The following SLC1A3 variants were observed in gnomAD, a reference collection of about 807,000 sequenced individuals.
The protein encoded by SLC1A3 is excitatory amino acid transporter 1.
In SLC1A3, 21 loss-of-function variants were observed where a neutral mutation model predicts 48.1. That is an observed-to-expected ratio of 0.44 (90% CI 0.31 to 0.63). The LOEUF is 0.63. Ranked by LOEUF, SLC1A3 falls within the 20% of genes least tolerant of loss-of-function variation. The probability of loss-of-function intolerance (pLI) is 0.08; values close to 1 mark genes in which losing one functional copy is unlikely to be tolerated. For missense variants in SLC1A3, 546 were observed against 689.0 expected (o/e 0.79, Z 2.32); for synonymous variants, 239 against 251.4 (o/e 0.95, Z 0.47).
intron 2 of SLC1A3, among the ~76,000 whole-genome samples, chr5:36,620,080 C>G (rs954865786): frequency 6.6e-6 from 1 of 152,130 alleles, no homozygotes; most frequent in East Asian, 1.9e-4. Context: ...ACAGGCAGAC[C>G]TAAGTTTGCC....
intron 3 of SLC1A3, among the ~76,000 whole-genome samples, chr5:36,631,941 G>A (rs527866880): frequency 6.6e-6 from 1 of 152,338 alleles, no homozygotes; most frequent in East Asian, 1.9e-4. Flanking sequence ...GCCTAGGGAA[G>A]AAACAAAGGC....
At chr5:36,683,768 A>T in intron 8 of SLC1A3, 96 bp from the exon 9 acceptor site, 1 of 1,359,892 alleles carries the variant, frequency 7.4e-7, no homozygotes. Flanking sequence ...GTTACATGGC[A>T]AGTCAGGCAT....
chr5:36,618,132 T>C (rs191172474), intron 2 of SLC1A3, among the ~76,000 whole-genome samples: 249 of 152,330 alleles, frequency 1.6e-3, no homozygotes, highest in Non-Finnish European at 1.2e-3. Context: ...AATTTCAGGA[T>C]AGAATCAGGT....
chr5:36,650,315 A>C (rs1741010388), intron 3 of SLC1A3, among the ~76,000 whole-genome samples: 1 of 152,214 alleles, frequency 6.6e-6, no homozygotes, highest in Admixed American at 6.5e-5. Context: ...CCTTAAATAT[A>C]ATCATAATAC....
At chr5:36,625,531 C>T (rs1355957117) in intron 2 of SLC1A3, among the ~76,000 whole-genome samples, 1 of 152,156 alleles carries the variant, frequency 6.6e-6, no homozygotes, top group Admixed American at 6.5e-5. Context: ...TAAACACCAT[C>T]GTTAACACAT....
chr5:36,647,713 G>A lies in SLC1A3; in HGVS notation c.319+18126G>A, dbSNP rs560255691. ...TTTTTGTCAGCATTGGAAAAAGGGA[G>A]ATTTGGGTCAAATTTTGACTGAAGG... is the stretch of plus-strand genomic sequence containing the variant. On this transcript the variant is annotated intron_variant, in intron 3 of 9. Transcript: ENST00000265113. Among the ~76,000 whole-genome samples the A allele has an allele frequency of 6.3e-4, 96 of 152,280 alleles. 1 individual carries two copies. The South Asian group carries it at 0.02, about 31-fold the overall frequency.
At chr5:36,662,827 C>A (rs543390825) in intron 3 of SLC1A3, among the ~76,000 whole-genome samples, 1 of 152,282 alleles carries the variant, frequency 6.6e-6, no homozygotes, top group Admixed American at 6.5e-5. Flanking sequence ...TCATGAGAGT[C>A]AATTGAATGG....
At chr5:36,611,280 TAAAAA>T (rs11336594) in intron 2 of SLC1A3, among the ~76,000 whole-genome samples, 2 of 132,510 alleles carry the variant, frequency 1.5e-5, no homozygotes, top group African/African-American at 2.8e-5. Flanking sequence ...TTGCTTTTAG[TAAAAA>T]AAAAAAAAAA....
At chr5:36,626,426 G>A (rs1012353449) in intron 2 of SLC1A3, among the ~76,000 whole-genome samples, 7 of 152,192 alleles carry the variant, frequency 4.6e-5, no homozygotes, top group Non-Finnish European at 7.3e-5. Flanking sequence ...GTAAGTAAGT[G>A]TATTTCTAAT....
chr5:36,624,085 G>A (rs971351191), intron 2 of SLC1A3, among the ~76,000 whole-genome samples: 3 of 152,128 alleles, frequency 2.0e-5, no homozygotes, highest in African/African-American at 4.8e-5. Context: ...GATGCTGATA[G>A]CTGGCCGACC....
intron 1 of SLC1A3, 158 bp from the exon 2 acceptor site, chr5:36,608,171 A>G (rs1739036243): frequency 2.1e-6 from 1 of 483,804 alleles, no homozygotes; most frequent in South Asian, 3.3e-5. Flanking sequence ...GGTCCACTAA[A>G]ATATGCACAC....
chr5:36,626,854 C>G (rs376110203), intron 2 of SLC1A3, among the ~76,000 whole-genome samples: 6 of 152,052 alleles, frequency 3.9e-5, no homozygotes, highest in African/African-American at 9.7e-5. Flanking sequence ...ATGCCTTACA[C>G]CAGATTGGGT....
chr5:36,612,585 T>C (rs1206985444), intron 2 of SLC1A3, among the ~76,000 whole-genome samples: 1 of 143,876 alleles, frequency 7.0e-6, no homozygotes, highest in Non-Finnish European at 1.6e-5. Flanking sequence ...CGAGACCCTG[T>C]CTCCAAATAA....
intron 3 of SLC1A3, among the ~76,000 whole-genome samples, chr5:36,644,059 T>TA (rs1740739817): frequency 6.8e-6 from 1 of 147,788 alleles, no homozygotes; most frequent in African/African-American, 2.6e-5. Flanking sequence ...ATAAATAAAT[T>TA]GCAATGTGAA....
At chr5:36,613,172 G>A (rs1739279058) in intron 2 of SLC1A3, 1 of 222,718 alleles carries the variant, frequency 4.5e-6, no homozygotes, top group East Asian at 1.3e-4. Context: ...GAAGAAGCTT[G>A]CTGCAAATCA....
intron 3 of SLC1A3, among the ~76,000 whole-genome samples, chr5:36,648,467 G>A (rs367643339): frequency 6.6e-5 from 10 of 152,112 alleles, no homozygotes; most frequent in African/African-American, 1.4e-4. Flanking sequence ...TCTGTCCCAC[G>A]TTTCATGCTG....
intron 4 of SLC1A3, among the ~76,000 whole-genome samples, chr5:36,672,581 A>T (rs1268199371): frequency 6.6e-6 from 1 of 152,150 alleles, no homozygotes; most frequent in Non-Finnish European, 1.5e-5. Context: ...AAATTCCTCT[A>T]TGCCATCTCA....
upstream of SLC1A3, among the ~76,000 whole-genome samples, chr5:36,601,650 G>T (rs1162562559): frequency 6.6e-6 from 1 of 152,090 alleles, no homozygotes. Context: ...CATTAAGGAG[G>T]TGCCTCACCC....
intron 3 of SLC1A3, among the ~76,000 whole-genome samples, chr5:36,640,429 C>A (rs1014479484): frequency 3.3e-5 from 5 of 152,234 alleles, no homozygotes; most frequent in African/African-American, 1.2e-4. Context: ...GTGTAACACT[C>A]TTCTCAACCG....
Sources: allele counts gnomAD v4.1 joint callset (sites outside exome capture counted in the v4.1 genomes callset), GRCh38; gene constraint gnomAD v4.1.1; transcripts MANE v1.5; gene names NCBI Gene and HGNC (gene_info 2026-07-23, HGNC 2026-07-21).